ATP2B2: variants seen among roughly 807,000 people sequenced by gnomAD.
ATP2B2 encodes plasma membrane calcium-transporting ATPase 2.
ATP2B2 carries 15 observed loss-of-function variants against 120.0 expected under a neutral mutation model. That is an observed-to-expected ratio of 0.12 (90% confidence interval 0.08 to 0.19). The LOEUF (loss-of-function observed/expected upper bound fraction) is 0.19, where lower values mean the gene tolerates loss of function less well. ATP2B2 is among the 10% of genes least tolerant of loss of function. ATP2B2 has a pLI of 1.00. For missense variants in ATP2B2, 1,045 were observed against 1,719.8 expected, an observed-to-expected ratio of 0.61 and a Z score of 6.94; for synonymous variants, 694 against 700.3, an observed-to-expected ratio of 0.99 and a Z score of 0.14.
intron 1 of ATP2B2, among the ~76,000 whole-genome samples, chr3:10,488,120 CCCATCCATCCAT>C (rs1415070265): frequency 6.7e-6 from 1 of 149,308 alleles, no homozygotes; most frequent in Admixed American, 6.7e-5. Flanking sequence ...CATCCATCCA[CCCATCCATCCAT>C]CCATCCTCCC....
chr3:10,390,428 T>C (rs1199292516), intron 5 of ATP2B2, among the ~76,000 whole-genome samples: 1 of 152,132 alleles, frequency 6.6e-6, no homozygotes, highest in Non-Finnish European at 1.5e-5. Flanking sequence ...CTTGTCCCTT[T>C]CCTTGTAGGA....
At chr3:10,562,518 G>A (rs1168600869) in intron 2 of ATP2B2, among the ~76,000 whole-genome samples, 1 of 152,196 alleles carries the variant, frequency 6.6e-6, no homozygotes, top group Non-Finnish European at 1.5e-5. Context: ...GTGGGCAACA[G>A]CAGCTGGATA....
intron 2 of ATP2B2, among the ~76,000 whole-genome samples, chr3:10,536,958 C>T (rs568614987): frequency 1.1e-4 from 17 of 152,252 alleles, no homozygotes; most frequent in African/African-American, 2.6e-4. Flanking sequence ...TTTTTTCCTA[C>T]GGATGTCCAA....
chr3:10,369,966 G>C (rs1326667931), intron 12 of ATP2B2, among the ~76,000 whole-genome samples: 1 of 152,038 alleles, frequency 6.6e-6, no homozygotes, highest in East Asian at 1.9e-4. Flanking sequence ...CAGGGTTCCA[G>C]GCACAGAGGG....
chr3:10,356,190 C>T (rs2060726969), intron 14 of ATP2B2, among the ~76,000 whole-genome samples: 1 of 142,398 alleles, frequency 7.0e-6, no homozygotes, highest in Non-Finnish European at 1.5e-5. Context: ...GTGTGTGTGG[C>T]AACCAGGCAA....
chr3:10,451,523 C>G (rs1389285755), intron 1 of ATP2B2, among the ~76,000 whole-genome samples: 7 of 152,184 alleles, frequency 4.6e-5, no homozygotes, highest in African/African-American at 1.7e-4. Flanking sequence ...TGGGGCTTCC[C>G]AGTCTTGGGT....
intron 12 of ATP2B2, among the ~76,000 whole-genome samples, chr3:10,361,544 C>A (rs2060900198): frequency 6.6e-6 from 1 of 152,224 alleles, no homozygotes; most frequent in Non-Finnish European, 1.5e-5. Flanking sequence ...CGTGTGAACA[C>A]CATTAGCTCC....
chr3:10,665,547 G>A (rs538438650), intron 1 of ATP2B2, among the ~76,000 whole-genome samples: 22 of 152,234 alleles, frequency 1.4e-4, no homozygotes, highest in East Asian at 5.8e-4. Context: ...GGTTTTGCCC[G>A]TTGTACCCCC....
At chr3:10,436,592 A>G (rs1192358342) in intron 2 of ATP2B2, among the ~76,000 whole-genome samples, 3 of 152,230 alleles carry the variant, frequency 2.0e-5, no homozygotes, top group African/African-American at 7.2e-5. Flanking sequence ...CCAAAGGGAC[A>G]TTTACTTAGT....
chr3:10,439,165 G>A (rs1203890407), intron 2 of ATP2B2, among the ~76,000 whole-genome samples: 2 of 152,254 alleles, frequency 1.3e-5, no homozygotes, highest in Non-Finnish European at 2.9e-5. Flanking sequence ...GAGTCTGGCT[G>A]TGAGTCAGCC....
chr3:10,492,936 C>T (rs116885626), intron 1 of ATP2B2, among the ~76,000 whole-genome samples: 1 of 152,344 alleles, frequency 6.6e-6, no homozygotes, highest in East Asian at 1.9e-4. Flanking sequence ...TCCTCCTCTG[C>T]TCCCACTACC....
intron 9 of ATP2B2, 29 bp from the exon 10 acceptor site, chr3:10,378,439 A>G (rs753454025): frequency 6.3e-6 from 10 of 1,599,110 alleles, no homozygotes; most frequent in Non-Finnish European, 6.8e-6. Context: ...GCACGTGCAT[A>G]CACACAGACA....
chr3:10,637,622 C>G (rs1025378030), intron 1 of ATP2B2, among the ~76,000 whole-genome samples: 2 of 152,062 alleles, frequency 1.3e-5, no homozygotes, highest in African/African-American at 4.8e-5. Context: ...GAATAAGAAA[C>G]TGAAAAGAGT....
At chr3:10,470,286 G>T (rs1404730277) in intron 1 of ATP2B2, among the ~76,000 whole-genome samples, 2 of 152,148 alleles carry the variant, frequency 1.3e-5, no homozygotes, top group Non-Finnish European at 2.9e-5. Context: ...AACAACACAG[G>T]TGTAGGTGTT....
At chr3:10,500,750 C>A (rs1330877709) in intron 1 of ATP2B2, among the ~76,000 whole-genome samples, 3 of 152,208 alleles carry the variant, frequency 2.0e-5, no homozygotes, top group African/African-American at 7.2e-5. Context: ...AAGTGGGAGA[C>A]AATACACGTC....
chr3:10,576,374 G>A (rs1302106828), intron 2 of ATP2B2, among the ~76,000 whole-genome samples: 1 of 152,126 alleles, frequency 6.6e-6, no homozygotes, highest in African/African-American at 2.4e-5. Flanking sequence ...CAGAATGATT[G>A]TTCTTATTAT....
chr3:10,361,169 A>C (rs1050613196), intron 12 of ATP2B2, among the ~76,000 whole-genome samples: 1 of 152,216 alleles, frequency 6.6e-6, no homozygotes, highest in Admixed American at 6.5e-5. Context: ...GGTTGAACCA[A>C]TGGAAACTGC....
Position 10,328,736 on chromosome 3 carries a change from G to A in ATP2B2, c.*78C>T. 3 of 1,443,628 alleles carry A rather than the reference G, an allele frequency of 2.1e-6. No homozygotes were observed. Among genetic ancestry groups the A allele is most frequent in the Non-Finnish European group, 2.8e-6 (3 of 1,063,364 alleles). 89.4% of individuals were successfully genotyped at this position (1,443,628 alleles called of 1,614,324 possible). A position where few individuals can be genotyped will look rare whatever the true frequency, so the allele number is the denominator to read the frequency against. The stretch of plus-strand genomic sequence containing the variant: ...TCGTTGCTGCTTGGGTGAGTTGGGT[G>A]CCTGGATGGATGGGTGCCCGGAAAG... On this transcript the variant is annotated 3_prime_UTR_variant, in exon 23 of 23. Coordinates refer to ENST00000360273, the MANE Select transcript of ATP2B2 (RefSeq NM_001001331.4).
At chr3:10,334,300 C>A (rs1394022288) in intron 22 of ATP2B2, among the ~76,000 whole-genome samples, 4 of 152,208 alleles carry the variant, frequency 2.6e-5, no homozygotes, top group Non-Finnish European at 5.9e-5. Context: ...CGGAGGGCCG[C>A]AGGAGTCATC....
Sources: allele counts gnomAD v4.1 joint callset (sites outside exome capture counted in the v4.1 genomes callset), GRCh38; gene constraint gnomAD v4.1.1; transcripts MANE v1.5; gene names NCBI Gene and HGNC (gene_info 2026-07-23, HGNC 2026-07-21).